Variants in PRKN observed in about 807,000 individuals in gnomAD.
The protein encoded by PRKN is E3 ubiquitin-protein ligase parkin.
A neutral mutation model predicts 59.5 loss-of-function variants in PRKN; 56 were observed. The observed-to-expected ratio is 0.94, with a 90% CI of 0.76 to 1.18. PRKN has a LOEUF of 1.18. PRKN is among the 50% of genes most tolerant of loss of function. The pLI is 0.00. For missense variants in PRKN, 657 were observed against 596.4 expected (o/e 1.10, Z -1.06); for synonymous variants, 250 against 222.1 (o/e 1.13, Z -1.12).
intron 2 of PRKN, among the ~76,000 whole-genome samples, chr6:162,416,827 C>T (rs1788651399): frequency 6.6e-6 from 1 of 151,976 alleles, no homozygotes; most frequent in African/African-American, 2.4e-5. Flanking sequence ...GATGTACATC[C>T]TTAAATTCTG....
At chr6:162,033,713 T>C (rs1783728959) in intron 5 of PRKN, among the ~76,000 whole-genome samples, 1 of 152,186 alleles carries the variant, frequency 6.6e-6, no homozygotes, top group South Asian at 2.1e-4. Flanking sequence ...AATCGTTTTT[T>C]ATCATAAAGC....
chr6:161,750,098 CATATATATATATATATAT>C (rs72125109), intron 7 of PRKN, among the ~76,000 whole-genome samples: 2 of 145,110 alleles, frequency 1.4e-5, no homozygotes, highest in African/African-American at 5.2e-5. Context: ...ACACATAGGA[CATATATATATATATATAT>C]ATACACACAC....
chr6:161,505,832 T>C (rs1212307606), intron 9 of PRKN, among the ~76,000 whole-genome samples: 1 of 139,954 alleles, frequency 7.1e-6, no homozygotes, highest in African/African-American at 2.8e-5. Flanking sequence ...GATCAGATAG[T>C]TGTAGATATG....
intron 4 of PRKN, among the ~76,000 whole-genome samples, chr6:162,174,692 C>T (rs1042466219): frequency 6.6e-6 from 1 of 152,166 alleles, no homozygotes; most frequent in Non-Finnish European, 1.5e-5. Context: ...TTATTTTTCA[C>T]CACTAGTCAG....
At chr6:161,486,937 A>G (rs980774260) in intron 9 of PRKN, among the ~76,000 whole-genome samples, 1 of 152,178 alleles carries the variant, frequency 6.6e-6, no homozygotes, top group African/African-American at 2.4e-5. Context: ...GGAAGCTCAC[A>G]GTTTAATTAA....
intron 2 of PRKN, among the ~76,000 whole-genome samples, chr6:162,307,728 C>A (rs1480377491): frequency 3.3e-5 from 5 of 152,100 alleles, no homozygotes; most frequent in South Asian, 2.1e-4. Flanking sequence ...GAAGGCACTG[C>A]AAACATTGAA....
chr6:162,355,409 A>C (rs1431154621), intron 2 of PRKN, among the ~76,000 whole-genome samples: 3 of 151,630 alleles, frequency 2.0e-5, no homozygotes, highest in Non-Finnish European at 4.4e-5. Context: ...CTATCTATCT[A>C]TATATATATA....
At chr6:162,053,464 C>T (rs892373924) in intron 5 of PRKN, among the ~76,000 whole-genome samples, 1 of 152,040 alleles carries the variant, frequency 6.6e-6, no homozygotes, top group Non-Finnish European at 1.5e-5. Context: ...ACCATAATAA[C>T]AAAATTAACT....
At chr6:162,121,435 C>T (rs1780911406) in intron 4 of PRKN, among the ~76,000 whole-genome samples, 1 of 152,124 alleles carries the variant, frequency 6.6e-6, no homozygotes, top group South Asian at 2.1e-4. Context: ...AAAAGAAGGA[C>T]AGTACTTGAT....
chr6:162,222,768 T>C (rs1435135121), intron 3 of PRKN, among the ~76,000 whole-genome samples: 1 of 152,148 alleles, frequency 6.6e-6, no homozygotes, highest in Non-Finnish European at 1.5e-5. Context: ...ACTGCACTAG[T>C]AGTAATTTAT....
At chr6:161,727,056 T>C (rs995324731) in intron 7 of PRKN, among the ~76,000 whole-genome samples, 1 of 152,164 alleles carries the variant, frequency 6.6e-6, no homozygotes, top group Non-Finnish European at 1.5e-5. Context: ...GATCTTTTCA[T>C]TCACAAGGAT....
At chr6:161,946,524 A>AT (rs1779790132) in intron 6 of PRKN, among the ~76,000 whole-genome samples, 1 of 151,802 alleles carries the variant, frequency 6.6e-6, no homozygotes, top group Non-Finnish European at 1.5e-5. Context: ...CAGAGTATTG[A>AT]TGGTGACACT....
intron 1 of PRKN, among the ~76,000 whole-genome samples, chr6:162,453,977 G>A (rs148022328): frequency 6.6e-6 from 1 of 152,256 alleles, no homozygotes; most frequent in Non-Finnish European, 1.5e-5. Flanking sequence ...ACAAAGAAAG[G>A]AGAAGAAAGA....
At chr6:162,071,598 ATTT>A (rs11316742) in intron 4 of PRKN, among the ~76,000 whole-genome samples, 8 of 135,728 alleles carry the variant, frequency 5.9e-5, no homozygotes, top group East Asian at 2.2e-4. Flanking sequence ...ACTGAATTTA[ATTT>A]TTTTTTTTTT....
intron 8 of PRKN, among the ~76,000 whole-genome samples, chr6:161,567,036 T>TG (rs1562529960): frequency 3.6e-4 from 44 of 123,260 alleles, no homozygotes; most frequent in African/African-American, 1.0e-3. Context: ...TTTTTTTTTT[T>TG]TTGTGTGTGT....
Position 162,644,287 on chromosome 6 carries a change from T to C in PRKN, c.7+83375A>G, listed in dbSNP as rs565197133. On this transcript the variant is annotated intron_variant, in intron 1 of 11. Coordinates refer to ENST00000366898, the MANE Select transcript of PRKN (RefSeq NM_004562.3). ...TCCTCCAGGCAGAGTGCACCCCCCA[T>C]GGAAGGCTCTGAGCTGGAGAAGCAC... Among the ~76,000 whole-genome samples the C allele has an allele frequency of 7.9e-5, 12 of 152,190 alleles. No individual in the cohort carries two copies. In the South Asian group the frequency reaches 2.5e-3, roughly 32 times the overall value.
chr6:162,179,909 T>A (rs1357067601), intron 4 of PRKN, among the ~76,000 whole-genome samples: 1 of 150,772 alleles, frequency 6.6e-6, no homozygotes, highest in African/African-American at 2.4e-5. Flanking sequence ...TCTTCCCATT[T>A]TTTTTTCCTT....
At chr6:162,596,810 C>T (rs939526930) in intron 1 of PRKN, among the ~76,000 whole-genome samples, 1 of 152,078 alleles carries the variant, frequency 6.6e-6, no homozygotes, top group African/African-American at 2.4e-5. Context: ...TCTCCTGGCG[C>T]TAAAGGGTGA....
chr6:162,390,435 T>C (rs970543425), intron 2 of PRKN, among the ~76,000 whole-genome samples: 2 of 139,166 alleles, frequency 1.4e-5, no homozygotes, highest in Non-Finnish European at 3.1e-5. Flanking sequence ...ACACCTTATA[T>C]ATATATATAT....
Sources: gnomAD v4.1 joint callset for allele counts (sites outside exome capture counted in the v4.1 genomes callset) on GRCh38, gnomAD v4.1.1 for gene constraint, MANE v1.5 for transcripts, NCBI Gene and HGNC (gene_info 2026-07-23, HGNC 2026-07-21) for gene names.